TASP1: variants seen among roughly 807,000 people sequenced by gnomAD.
The protein encoded by TASP1 is taspase 1.
In TASP1, 16 loss-of-function variants were observed where a neutral mutation model predicts 56.6. The observed-to-expected ratio is 0.28, with a 90% CI of 0.19 to 0.43. The LOEUF (loss-of-function observed/expected upper bound fraction) is 0.43, where lower values mean the gene tolerates loss of function less well. Among genes scored for constraint, TASP1 ranks in the 20% least tolerant of loss-of-function variants. TASP1 has a pLI of 1.00. For missense variants in TASP1, 393 were observed against 511.6 expected (o/e 0.77, Z 2.24); for synonymous variants, 179 against 184.2 (o/e 0.97, Z 0.23).
At chr20:13,195,292 T>C in the TASP1 span, among the ~76,000 whole-genome samples, 1 of 152,192 alleles carries the variant, frequency 6.6e-6, no homozygotes, top group African/African-American at 2.4e-5. Context: ...ACCACCTAGA[T>C]TTACTTGGCC....
chr20:13,124,117 C>T, the TASP1 span, among the ~76,000 whole-genome samples: 1 of 152,148 alleles, frequency 6.6e-6, no homozygotes, highest in Admixed American at 6.6e-5. Context: ...TGGGGAAAAC[C>T]CACCCAGCTT....
chr20:13,372,684 CAT>C, the TASP1 span, among the ~76,000 whole-genome samples: 1 of 151,802 alleles, frequency 6.6e-6, no homozygotes, highest in Non-Finnish European at 1.5e-5. Flanking sequence ...CTATATGTCT[CAT>C]GTGTCTATTG....
At chr20:13,324,334 G>A in the TASP1 span, among the ~76,000 whole-genome samples, 1 of 152,310 alleles carries the variant, frequency 6.6e-6, no homozygotes, top group South Asian at 2.1e-4. Context: ...TGCCTTGCTA[G>A]CTGCAAGATA....
chr20:13,228,214 C>G, the TASP1 span, among the ~76,000 whole-genome samples: 7 of 152,144 alleles, frequency 4.6e-5, no homozygotes, highest in East Asian at 5.8e-4. Context: ...CTCAGGTGAT[C>G]TGCCCGTCCT....
chr20:13,132,269 C>T, the TASP1 span, among the ~76,000 whole-genome samples: 3 of 149,480 alleles, frequency 2.0e-5, no homozygotes, highest in South Asian at 2.1e-4. Flanking sequence ...CTCCACCTCT[C>T]GGGCTCAAGT....
At chr20:13,478,913 C>T (rs189558164) in intron 11 of TASP1, among the ~76,000 whole-genome samples, 1 of 152,164 alleles carries the variant, frequency 6.6e-6, no homozygotes. Context: ...AAATCTCTTT[C>T]AGTAGAGGAA....
intron 4 of TASP1, among the ~76,000 whole-genome samples, chr20:13,613,379 T>C (rs1440616637): frequency 6.6e-6 from 1 of 152,154 alleles, no homozygotes; most frequent in Non-Finnish European, 1.5e-5. Flanking sequence ...TATATATCCA[T>C]GTGAATATGA....
At chr20:13,404,657 T>G (rs2041852648) in intron 13 of TASP1, among the ~76,000 whole-genome samples, 1 of 152,150 alleles carries the variant, frequency 6.6e-6, no homozygotes. Flanking sequence ...ATAGGATGAT[T>G]TTATGAGGTT....
intron 4 of TASP1, chr20:13,600,694 A>T (rs1410363430): frequency 1.3e-5 from 2 of 152,196 alleles, no homozygotes; most frequent in Non-Finnish European, 2.9e-5. Context: ...AACATATATT[A>T]TACAAGAAAA....
chr20:13,471,740 A>G (rs2044501869), intron 11 of TASP1, among the ~76,000 whole-genome samples: 1 of 152,164 alleles, frequency 6.6e-6, no homozygotes, highest in Admixed American at 6.6e-5. Flanking sequence ...TCTGGTATGC[A>G]GCTCCCAGCG....
the TASP1 span, among the ~76,000 whole-genome samples, chr20:13,323,079 T>C: frequency 6.6e-6 from 1 of 151,904 alleles, no homozygotes; most frequent in Non-Finnish European, 1.5e-5. Flanking sequence ...AGGCATTGTG[T>C]CACAGCGTCT....
rs1210777495 is a variant in TASP1, at chr20:13,390,408, A to G, written c.1215T>C (p.Ser405=). The change falls in exon 14 of 14, where the codon TCT becomes TCC. Residue 405 remains serine (S), a synonymous_variant. Transcript: ENST00000337743. ...GGCACACCCCACCTTCGATTGCCAC[A>G]GACTGTCCTGCCACCGCACCAGGAG... The part of the protein sequence containing the change: ...RLPPGAVAGQ[S]VAIEGGVCRL... 1.9e-6 allele frequency: 3 copies of G among 1,614,044 alleles called. No individual in the cohort carries two copies. Among genetic ancestry groups the G allele is most frequent in the Admixed American group, 1.7e-5 (1 of 60,018 alleles).
At chr20:13,458,378 G>A (rs1009373984) in intron 11 of TASP1, among the ~76,000 whole-genome samples, 2 of 151,982 alleles carry the variant, frequency 1.3e-5, no homozygotes, top group African/African-American at 2.4e-5. Flanking sequence ...ATGGGGTTTC[G>A]CTCTTGTTGC....
intron 4 of TASP1, among the ~76,000 whole-genome samples, chr20:13,599,373 T>C (rs1410055769): frequency 6.6e-6 from 1 of 152,192 alleles, no homozygotes; most frequent in Non-Finnish European, 1.5e-5. Flanking sequence ...TCATGTCCTT[T>C]GCAGGGACAT....
chr20:13,636,390 C>T (rs1405226536), intron 1 of TASP1, among the ~76,000 whole-genome samples: 1 of 150,204 alleles, frequency 6.7e-6, no homozygotes, highest in East Asian at 1.9e-4. Flanking sequence ...GAACTCCTGA[C>T]CTCAAATGAT....
chr20:13,428,297 C>T (rs1357110571), intron 12 of TASP1, among the ~76,000 whole-genome samples: 1 of 152,100 alleles, frequency 6.6e-6, no homozygotes, highest in Non-Finnish European at 1.5e-5. Flanking sequence ...GCTGTTTATG[C>T]TATATATTTG....
At chr20:13,417,782 G>GT (rs2042306558) in intron 12 of TASP1, among the ~76,000 whole-genome samples, 5 of 151,832 alleles carry the variant, frequency 3.3e-5, no homozygotes. Flanking sequence ...TTTGACTCTT[G>GT]TAACATTAAA....
chr20:13,215,071 G>A, the TASP1 span, among the ~76,000 whole-genome samples: 1 of 152,096 alleles, frequency 6.6e-6, no homozygotes, highest in Non-Finnish European at 1.5e-5. Flanking sequence ...ATGCACCCAG[G>A]ATACATGCTG....
chr20:13,341,670 T>C, the TASP1 span, among the ~76,000 whole-genome samples: 1 of 152,336 alleles, frequency 6.6e-6, no homozygotes, highest in South Asian at 2.1e-4. Flanking sequence ...AGTAACCCTA[T>C]GGAGTTAAAC....
Sources: allele counts gnomAD v4.1 joint callset (sites outside exome capture counted in the v4.1 genomes callset), GRCh38; gene constraint gnomAD v4.1.1; transcripts MANE v1.5; gene names NCBI Gene and HGNC (gene_info 2026-07-23, HGNC 2026-07-21).